Variants in ASXL3 observed in about 807,000 individuals in gnomAD.
ASXL3 encodes ASXL transcriptional regulator 3.
A neutral mutation model predicts 170.6 loss-of-function variants in ASXL3; 34 were observed. The ratio of observed to expected loss-of-function variants is 0.20; its 90% CI spans 0.15 to 0.27. ASXL3 has a LOEUF of 0.27. Ranked by LOEUF, ASXL3 falls within the 10% of genes least tolerant of loss-of-function variation. ASXL3 has a pLI of 1.00. For missense variants in ASXL3, 2,592 were observed against 2,695.3 expected (o/e 0.96, Z 0.85); for synonymous variants, 1,002 against 989.1 (o/e 1.01, Z -0.24).
In ASXL3 at chr18:33,743,365, G is replaced by A. The variant is rs2067700248; in HGVS notation, c.3517G>A (p.Ala1173Thr). ...CTGTAGATCTCCTAGCAACAAGTCTGCCCACCTCCGGGAGACCACCACTGT... is the reference window on the plus strand; with the variant it reads ...CTGTAGATCTCCTAGCAACAAGTCTACCCACCTCCGGGAGACCACCACTGT... ...PNCRSPSNKS[A>T]HLRETTTVLQ... The change falls in exon 12 of 12, where the codon GCC becomes ACC. Residue 1173 changes from alanine (A) to threonine (T), a missense_variant. By Grantham distance (58) the Ala-to-Thr change is moderately conservative. Around this residue, in one of 4 missense-constraint regions of ASXL3, gnomAD observed 2,246 missense variants for 2,219.6 expected, o/e 1.01. Transcript: ENST00000269197. The A allele has an allele frequency of 1.2e-6, 2 of 1,613,128 alleles. No individual in the cohort carries two copies. Among genetic ancestry groups the A allele is most frequent in the Admixed American group, 1.7e-5 (1 of 59,992 alleles).
At chr18:33,578,822 C>A in intron 1 of ASXL3, 137 bp downstream of exon 1, 1 of 479,134 alleles carries the variant, frequency 2.1e-6, no homozygotes, top group African/African-American at 2.1e-5. Context: ...CTTTGTTATT[C>A]TGCGGGAGTG....
intron 1 of ASXL3, among the ~76,000 whole-genome samples, chr18:33,595,999 C>A (rs915468396): frequency 6.6e-6 from 1 of 152,006 alleles, no homozygotes; most frequent in Non-Finnish European, 1.5e-5. Context: ...CTGAGTACAT[C>A]AATTCTTTCT....
chr18:33,644,815 C>A (rs780773861), intron 2 of ASXL3, 79 bp from the exon 3 acceptor site: 1 of 816,154 alleles, frequency 1.2e-6, no homozygotes, highest in Non-Finnish European at 1.8e-6. Flanking sequence ...TAAGAGAGAG[C>A]GAGCGAGACT....
At chr18:33,639,120 A>G (rs1027289368) in intron 2 of ASXL3, among the ~76,000 whole-genome samples, 1 of 152,186 alleles carries the variant, frequency 6.6e-6, no homozygotes, top group African/African-American at 2.4e-5. Flanking sequence ...TACTATGGTT[A>G]GCAGTAGTAG....
intron 8 of ASXL3, among the ~76,000 whole-genome samples, chr18:33,729,388 C>T (rs1320618074): frequency 1.3e-5 from 2 of 152,076 alleles, no homozygotes; most frequent in Admixed American, 1.3e-4. Flanking sequence ...ACTTGAAGCT[C>T]TTTTTGCTTC....
At chr18:33,638,274 A>T (rs1886257689) in intron 2 of ASXL3, among the ~76,000 whole-genome samples, 1 of 151,878 alleles carries the variant, frequency 6.6e-6, no homozygotes, top group Non-Finnish European at 1.5e-5. Flanking sequence ...TGTTGCCCAG[A>T]CTAGTCTCGA....
At chr18:33,623,370 T>C (rs1246971587) in intron 2 of ASXL3, among the ~76,000 whole-genome samples, 2 of 152,302 alleles carry the variant, frequency 1.3e-5, no homozygotes, top group East Asian at 1.9e-4. Context: ...ATTTTCAGAT[T>C]GAATGAGTGG....
chr18:33,581,454 A>G (rs1456965039), intron 1 of ASXL3, among the ~76,000 whole-genome samples: 3 of 145,066 alleles, frequency 2.1e-5, no homozygotes, highest in Non-Finnish European at 4.6e-5. Context: ...TGTTATATAT[A>G]TCTTTCTTGC....
Position 33,590,111 on chromosome 18 carries a change from G to GTTTTTTTTTTTTTTTTTTTTTT in ASXL3, c.54+11445_54+11446insTTTTTTTTTTTTTTTTTTTTTT, listed in dbSNP as rs567969303. 6.3e-4 allele frequency among the ~76,000 whole-genome samples: 52 copies of GTTTTTTTTTTTTTTTTTTTTTT among 83,158 alleles called. 2 individuals carry two copies. Among genetic ancestry groups the GTTTTTTTTTTTTTTTTTTTTTT allele is most frequent in the African/African-American group, 1.5e-3 (22 of 14,534 alleles). The allele number at this position is 83,158 out of a possible 152,430, so 54.6% of individuals were successfully genotyped here. A position where few individuals can be genotyped will look rare whatever the true frequency, so the allele number is the denominator to read the frequency against. ...TGTCGTCAAGGTATTTGCTTTCTAT[G>GTTTTTTTTTTTTTTTTTTTTTT]TTTTTTTTTTTTTTTTTTTGCTTTG... On this transcript the variant is annotated intron_variant, in intron 1 of 11. Coordinates refer to ENST00000269197, the MANE Select transcript of ASXL3 (RefSeq NM_030632.3).
intron 2 of ASXL3, among the ~76,000 whole-genome samples, chr18:33,629,897 C>T (rs1055356343): frequency 3.3e-5 from 5 of 151,934 alleles, no homozygotes; most frequent in Non-Finnish European, 5.9e-5. Flanking sequence ...TAGCTTGCAA[C>T]ATTGTTATTT....
chr18:33,657,914 C>G (rs151081578), intron 4 of ASXL3, among the ~76,000 whole-genome samples: 1 of 152,146 alleles, frequency 6.6e-6, no homozygotes, highest in Non-Finnish European at 1.5e-5. Context: ...CTAGGGAGAA[C>G]TAGTCTCATT....
At chr18:33,706,386 T>G (rs1001739711) in intron 8 of ASXL3, among the ~76,000 whole-genome samples, 2 of 151,800 alleles carry the variant, frequency 1.3e-5, no homozygotes, top group Admixed American at 1.3e-4. Context: ...AATTGTTGGG[T>G]CATAGAGTAT....
rs375291297 is a variant in ASXL3 at position 33,745,556 on chromosome 18, C to T, written c.5708C>T (p.Ser1903Leu). ...AAACAGCAAAAGCGGCTGCTCCCCT[C>T]GTGTAGCTTCCAGCAGAACCTATTT... is the stretch of plus-strand genomic sequence containing the variant. ...EVKQQKRLLPSCSFQQNLFHV... is the reference protein window; with the variant it reads ...EVKQQKRLLPLCSFQQNLFHV... The change falls in exon 12 of 12, where the codon TCG becomes TTG. Residue 1903 changes from serine to leucine, a missense_variant. Around this residue, in one of 4 missense-constraint regions of ASXL3, gnomAD observed 2,246 missense variants for 2,219.6 expected, o/e 1.01. Coordinates refer to ENST00000269197, the MANE Select transcript of ASXL3 (RefSeq NM_030632.3). 4.6e-5 allele frequency: 74 copies of T among 1,613,846 alleles called. No individual in the cohort carries two copies. The highest frequency in any genetic ancestry group is 5.8e-5 in the Non-Finnish European group (69 of 1,179,888).
At chr18:33,671,631 T>C (rs2066343352) in intron 6 of ASXL3, 116 bp from the exon 7 acceptor site, 1 of 839,880 alleles carries the variant, frequency 1.2e-6, no homozygotes, top group East Asian at 2.9e-5. Context: ...TGGCCAAAGG[T>C]AGTGTATTAA....
chr18:33,694,519 T>TG (rs1599504353), intron 8 of ASXL3, among the ~76,000 whole-genome samples: 2 of 152,278 alleles, frequency 1.3e-5, no homozygotes, highest in East Asian at 3.9e-4. Context: ...TGACTCCCTC[T>TG]ATTTGGTGCT....
At chr18:33,642,944 AG>A (rs2065867113) in intron 2 of ASXL3, among the ~76,000 whole-genome samples, 1 of 151,888 alleles carries the variant, frequency 6.6e-6, no homozygotes, top group African/African-American at 2.4e-5. Flanking sequence ...CATGTGCATT[AG>A]GGCCTTAGGA....
intron 7 of ASXL3, among the ~76,000 whole-genome samples, chr18:33,680,763 C>T (rs1252431394): frequency 2.0e-5 from 3 of 151,782 alleles, no homozygotes; most frequent in Non-Finnish European, 2.9e-5. Context: ...GTTAATATTG[C>T]AGTATGACTT....
intron 4 of ASXL3, among the ~76,000 whole-genome samples, chr18:33,660,323 G>T (rs2066151615): frequency 6.6e-6 from 1 of 152,010 alleles, no homozygotes; most frequent in Non-Finnish European, 1.5e-5. Flanking sequence ...ATTACTTTCT[G>T]TATTAACAAA....
At chr18:33,616,560 A>G (rs1300781337) in intron 2 of ASXL3, 1 of 152,018 alleles carries the variant, frequency 6.6e-6, no homozygotes, top group Non-Finnish European at 1.5e-5. Flanking sequence ...ATGGAAGAGG[A>G]CTCTTAATTA....
Sources: gnomAD v4.1 joint callset for allele counts (sites outside exome capture counted in the v4.1 genomes callset) on GRCh38, gnomAD v4.1.1 for gene constraint, gnomAD v4.1.1 regional missense constraint, MANE v1.5 for transcripts, NCBI Gene and HGNC (gene_info 2026-07-23, HGNC 2026-07-21) for gene names.